Variants in ATP10B observed in about 807,000 individuals in gnomAD.
ATP10B encodes phospholipid-transporting ATPase VB.
In ATP10B, 122 loss-of-function variants were observed where a neutral mutation model predicts 141.2. That is an observed-to-expected ratio of 0.86 (90% CI 0.75 to 1.00). The LOEUF (loss-of-function observed/expected upper bound fraction) is 1.00, where lower values mean the gene tolerates loss of function less well. ATP10B is among the 50% of genes least tolerant of loss of function. ATP10B has a pLI of 0.00. For synonymous variants in ATP10B, 685 were observed against 692.0 expected, an observed-to-expected ratio of 0.99 and a Z score of 0.16; for missense variants, 1,876 against 1,825.3, an observed-to-expected ratio of 1.03 and a Z score of -0.51.
chr5:160,801,804 C>T (rs965473911), intron 1 of ATP10B, among the ~76,000 whole-genome samples: 1 of 152,150 alleles, frequency 6.6e-6, no homozygotes, highest in South Asian at 2.1e-4. Context: ...CAAGTTCAGG[C>T]TTTGAGCTTA....
At chr5:160,620,315 T>C (rs754954582) in intron 15 of ATP10B, 32 bp downstream of exon 15, 4 of 1,573,718 alleles carry the variant, frequency 2.5e-6, no homozygotes, top group East Asian at 2.2e-5. Flanking sequence ...TAGAACTCTC[T>C]GTGCCTGGAA....
At chr5:160,652,930 T>A (rs1255562968) in intron 7 of ATP10B, among the ~76,000 whole-genome samples, 2 of 85,694 alleles carry the variant, frequency 2.3e-5, no homozygotes, top group Non-Finnish European at 4.1e-5. Flanking sequence ...TAATATATTA[T>A]ATATACATGT....
At chr5:160,847,435 C>A (rs1776196085) in intron 1 of ATP10B, among the ~76,000 whole-genome samples, 1 of 152,100 alleles carries the variant, frequency 6.6e-6, no homozygotes, top group South Asian at 2.1e-4. Context: ...TGCGGTGACC[C>A]CTTATGTATT....
chr5:160,596,850 C>A (rs1178260207), intron 22 of ATP10B, among the ~76,000 whole-genome samples: 1 of 152,118 alleles, frequency 6.6e-6, no homozygotes, highest in East Asian at 1.9e-4. Context: ...CGTGAAGGAC[C>A]TCTTCAAAGA....
chr5:160,662,426 C>T (rs1370016924), intron 7 of ATP10B, among the ~76,000 whole-genome samples: 147 of 149,004 alleles, frequency 9.9e-4, no homozygotes, highest in South Asian at 2.6e-3. Flanking sequence ...CAAAACAGCA[C>T]GGTACTGGTA....
At chr5:160,606,122 C>G (rs1186929611) in intron 19 of ATP10B, among the ~76,000 whole-genome samples, 2 of 152,158 alleles carry the variant, frequency 1.3e-5, no homozygotes, top group African/African-American at 4.8e-5. Context: ...CTGAGGGTAA[C>G]AGAAGATCAC....
In ATP10B at chr5:160,688,923, C is replaced by G; in HGVS notation, c.-184G>C. On this transcript the variant is annotated 5_prime_UTR_variant, in exon 4 of 26. Transcript: ENST00000327245. ...GGGATAGGGGATCCCTTTTCTTTTT[C>G]TCCACTCCATTTGGTGGTTTCTGAA... The G allele has an allele frequency of 1.0e-6, 1 of 985,398 alleles. No individual in the cohort carries two copies. The highest frequency in any genetic ancestry group is 1.2e-6 in the Non-Finnish European group (1 of 829,942). 61.0% of individuals were successfully genotyped at this position (985,398 alleles called of 1,614,324 possible). A position where few individuals can be genotyped will look rare whatever the true frequency, so the allele number is the denominator to read the frequency against.
the ATP10B span, among the ~76,000 whole-genome samples, chr5:160,883,170 A>G: frequency 6.6e-6 from 1 of 152,226 alleles, no homozygotes; most frequent in Non-Finnish European, 1.5e-5. Flanking sequence ...ATCGCTTAAG[A>G]ATCTCATACC....
chr5:160,569,381 C>G, intron 25 of ATP10B, 115 bp downstream of exon 25: 1 of 994,920 alleles, frequency 1.0e-6, no homozygotes, highest in Non-Finnish European at 1.5e-6. Context: ...GTTTCTGAAA[C>G]ATTAGCCTCA....
At chr5:160,582,565 C>T (rs1755624582) in intron 24 of ATP10B, among the ~76,000 whole-genome samples, 1 of 152,062 alleles carries the variant, frequency 6.6e-6, no homozygotes. Context: ...TCTCTGGTTG[C>T]CCTTAGTATT....
In ATP10B at chr5:160,707,820, A is replaced by G. The variant is rs73314439; in HGVS notation, c.-205+9089T>C. On this transcript the variant is annotated intron_variant, in intron 3 of 25. Transcript: ENST00000327245. The stretch of plus-strand genomic sequence containing the variant: ...GTAGAGACACAGGCTTCGGCATTTA[A>G]GTACTCCTGTGGCTTGAATGGCAAA... Among the ~76,000 whole-genome samples the G allele has an allele frequency of 3.5e-3, 538 of 152,332 alleles. 6 individuals carry two copies. The highest frequency in any genetic ancestry group is 0.012 in the African/African-American group (519 of 41,574).
intron 2 of ATP10B, among the ~76,000 whole-genome samples, chr5:160,781,250 G>C (rs949403294): frequency 6.6e-6 from 1 of 152,198 alleles, no homozygotes; most frequent in Non-Finnish European, 1.5e-5. Context: ...GTGAGGCCTA[G>C]AATTCTGCAT....
chr5:160,610,395 G>A (rs1757655776), intron 18 of ATP10B, among the ~76,000 whole-genome samples: 1 of 152,138 alleles, frequency 6.6e-6, no homozygotes, highest in South Asian at 2.1e-4. Flanking sequence ...CACCTGTTGA[G>A]CCGTCAGATG....
At chr5:160,743,139 G>T (rs553188448) in intron 2 of ATP10B, among the ~76,000 whole-genome samples, 73 of 152,116 alleles carry the variant, frequency 4.8e-4, no homozygotes, top group Non-Finnish European at 8.8e-5. Flanking sequence ...GCCCCATTTT[G>T]TAAGTAATAA....
the ATP10B span, among the ~76,000 whole-genome samples, chr5:160,881,628 C>T: frequency 3.3e-5 from 5 of 151,972 alleles, no homozygotes; most frequent in East Asian, 1.9e-4. Flanking sequence ...CTGGCTAACA[C>T]GGTGAAACCC....
chr5:160,822,983 C>CAT (rs1282919442), intron 1 of ATP10B, among the ~76,000 whole-genome samples: 16 of 89,978 alleles, frequency 1.8e-4, no homozygotes, highest in East Asian at 3.7e-4. Flanking sequence ...TAAAAAATTA[C>CAT]ATATACATAT....
chr5:160,640,318 A>G (rs1759743302), intron 10 of ATP10B, 143 bp downstream of exon 10: 6 of 848,144 alleles, frequency 7.1e-6, no homozygotes, highest in Admixed American at 2.8e-5. Context: ...TTTCTCTTGC[A>G]TTTTCATTTC....
chr5:160,589,507 C>T (rs1401592710), intron 24 of ATP10B, 85 bp downstream of exon 24: 1 of 1,058,056 alleles, frequency 9.5e-7, no homozygotes, highest in Non-Finnish European at 1.5e-6. Context: ...GGATTGATAA[C>T]ACAGAATGAA....
At chr5:160,697,538 T>C (rs1190384621) in intron 3 of ATP10B, among the ~76,000 whole-genome samples, 2 of 146,718 alleles carry the variant, frequency 1.4e-5, no homozygotes, top group Non-Finnish European at 3.0e-5. Context: ...GTCCTATAAT[T>C]AGGATGCCAG....
Sources: allele counts gnomAD v4.1 joint callset (sites outside exome capture counted in the v4.1 genomes callset), GRCh38; gene constraint gnomAD v4.1.1; transcripts MANE v1.5; gene names NCBI Gene and HGNC (gene_info 2026-07-23, HGNC 2026-07-21).